The following DLGAP2 variants were observed in gnomAD, a reference collection of about 807,000 sequenced individuals.
DLGAP2 encodes DLG associated protein 2.
Under a neutral mutation model 100.3 loss-of-function variants are expected in DLGAP2, and 26 were observed. The ratio of observed to expected loss-of-function variants is 0.26; its 90% CI spans 0.19 to 0.36. The LOEUF is 0.36. Among genes scored for constraint, DLGAP2 ranks in the 10% least tolerant of loss-of-function variants. The pLI is 1.00. For synonymous variants in DLGAP2, 886 were observed against 630.1 expected (o/e 1.41, Z -6.08); for missense variants, 1,858 against 1,453.2 (o/e 1.28, Z -4.53).
At chr8:1,347,417 T>G (rs143207889) in intron 3 of DLGAP2, among the ~76,000 whole-genome samples, 7,749 of 133,852 alleles carry the variant, frequency 0.058, 273 homozygotes, top group Middle Eastern at 0.21. Flanking sequence ...CCCATACCCA[T>G]CTGCATTGCA....
chr8:953,807 G>A (rs1269294717), intron 2 of DLGAP2, among the ~76,000 whole-genome samples: 1 of 151,834 alleles, frequency 6.6e-6, no homozygotes, highest in Non-Finnish European at 1.5e-5. Context: ...TTCCTTTGCA[G>A]CAGAAGCGCT....
chr8:1,572,604 G>GAC (rs1802774169), intron 6 of DLGAP2, among the ~76,000 whole-genome samples: 1 of 133,984 alleles, frequency 7.5e-6, no homozygotes, highest in Non-Finnish European at 1.6e-5. Flanking sequence ...ATGGAGAGGA[G>GAC]AGGGTGAACT....
intron 3 of DLGAP2, among the ~76,000 whole-genome samples, chr8:1,288,424 TGG>T (rs1799987677): frequency 7.3e-6 from 1 of 137,912 alleles, no homozygotes; most frequent in African/African-American, 2.8e-5. Flanking sequence ...GAACTTGTTT[TGG>T]TTCAGTGTGT....
At chr8:1,055,087 C>T (rs1391135382) in intron 2 of DLGAP2, among the ~76,000 whole-genome samples, 2 of 152,174 alleles carry the variant, frequency 1.3e-5, no homozygotes, top group East Asian at 1.9e-4. Context: ...GGATCAACTT[C>T]TTAAAAATTT....
intron 2 of DLGAP2, among the ~76,000 whole-genome samples, chr8:1,154,563 G>C (rs1419700787): frequency 6.6e-6 from 1 of 152,198 alleles, no homozygotes; most frequent in Non-Finnish European, 1.5e-5. Flanking sequence ...TTTCTGCTAA[G>C]TTTCTTGTTT....
intron 3 of DLGAP2, among the ~76,000 whole-genome samples, chr8:1,304,776 C>T (rs1453178983): frequency 6.6e-6 from 1 of 152,098 alleles, no homozygotes; most frequent in African/African-American, 2.4e-5. Context: ...TTTTGGGGTC[C>T]TGTACTTGTA....
At chr8:851,956 G>C (rs1006439641) in intron 1 of DLGAP2, among the ~76,000 whole-genome samples, 7 of 152,152 alleles carry the variant, frequency 4.6e-5, no homozygotes, top group Non-Finnish European at 1.0e-4. Context: ...TCTTGGGAAG[G>C]TGCAGTGACT....
chr8:1,561,965 C>T lies in DLGAP2; in HGVS notation c.1231-3718C>T, dbSNP rs145536069. On this transcript the variant is annotated intron_variant, in intron 5 of 14. Transcript: ENST00000637795. The stretch of plus-strand genomic sequence containing the variant: ...GGACTGTGTGGTGTTGGGGTGTCCG[C>T]GCCTCGTTGCTGCGGGACTGTGTGG... Among the ~76,000 whole-genome samples the T allele has an allele frequency of 3.2e-3, 190 of 59,922 alleles. 48 individuals carry two copies. The highest frequency in any genetic ancestry group is 0.013 in the African/African-American group (180 of 14,302). The allele number at this position is 59,922 out of a possible 152,430, so 39.3% of individuals were successfully genotyped here.
chr8:1,558,207 C>T (rs531666816), intron 5 of DLGAP2, among the ~76,000 whole-genome samples: 58 of 152,300 alleles, frequency 3.8e-4, no homozygotes, highest in African/African-American at 1.3e-3. Flanking sequence ...GCTCCCATTC[C>T]AAGCATGAGG....
chr8:1,453,711 A>C (rs1384207315), intron 3 of DLGAP2, among the ~76,000 whole-genome samples: 1 of 152,102 alleles, frequency 6.6e-6, no homozygotes, highest in Admixed American at 6.6e-5. Flanking sequence ...CGCCCCATCA[A>C]CTCTTCTCAC....
chr8:886,501 G>A (rs1474231277), intron 1 of DLGAP2, among the ~76,000 whole-genome samples: 1 of 151,992 alleles, frequency 6.6e-6, no homozygotes, highest in East Asian at 1.9e-4. Context: ...TTCTGATGTG[G>A]GCATTTAGTG....
intron 2 of DLGAP2, among the ~76,000 whole-genome samples, chr8:1,067,604 CGT>C (rs3220190): frequency 0.04 from 5,558 of 140,256 alleles, 128 homozygotes; most frequent in African/African-American, 0.07. Flanking sequence ...GGTTGAGTGA[CGT>C]GTGTGTGTGT....
At chr8:896,181 G>A (rs1440008073) in intron 1 of DLGAP2, among the ~76,000 whole-genome samples, 1 of 81,462 alleles carries the variant, frequency 1.2e-5, no homozygotes, top group Non-Finnish European at 2.4e-5. Context: ...GGGCAGTGGT[G>A]AGAGGTGTCA....
chr8:1,341,462 A>T (rs987236946), intron 3 of DLGAP2, among the ~76,000 whole-genome samples: 1 of 152,218 alleles, frequency 6.6e-6, no homozygotes, highest in African/African-American at 2.4e-5. Flanking sequence ...TCTGAAACAC[A>T]TATAGGCGTA....
At chr8:1,146,639 ATG>A in intron 2 of DLGAP2, among the ~76,000 whole-genome samples, 1 of 151,942 alleles carries the variant, frequency 6.6e-6, no homozygotes, top group African/African-American at 2.4e-5. Context: ...ATGTGTGTGC[ATG>A]TGAGTGTGTG....
chr8:1,173,599 C>A (rs972241350), intron 2 of DLGAP2, among the ~76,000 whole-genome samples: 1 of 152,130 alleles, frequency 6.6e-6, no homozygotes, highest in East Asian at 1.9e-4. Context: ...GGGCGCCCCT[C>A]CCCCAGCCTC....
At chr8:1,682,479 A>AT (rs11332030) in intron 12 of DLGAP2, among the ~76,000 whole-genome samples, 12,852 of 148,320 alleles carry the variant, frequency 0.087, 631 homozygotes, top group African/African-American at 0.14. Context: ...GATATATAGT[A>AT]TTTTTTTTTT....
chr8:1,072,823 C>T (rs533561128), intron 2 of DLGAP2, among the ~76,000 whole-genome samples: 7 of 152,296 alleles, frequency 4.6e-5, no homozygotes, highest in Middle Eastern at 3.4e-3. Flanking sequence ...AAGAAGAGGC[C>T]GTTGTGGGGC....
chr8:1,476,866 G>C (rs1430655102), intron 3 of DLGAP2, among the ~76,000 whole-genome samples: 1 of 150,082 alleles, frequency 6.7e-6, no homozygotes, highest in South Asian at 2.1e-4. Context: ...CGTGATGGCC[G>C]AGTGCTGTCG....
Sources: allele counts gnomAD v4.1 joint callset (sites outside exome capture counted in the v4.1 genomes callset), GRCh38; gene constraint gnomAD v4.1.1; transcripts MANE v1.5; gene names NCBI Gene and HGNC (gene_info 2026-07-23, HGNC 2026-07-21).